The following PKHD1 variants were observed in gnomAD, a reference collection of about 807,000 sequenced individuals.
PKHD1 encodes PKHD1 ciliary IPT domain containing fibrocystin/polyductin.
A neutral mutation model predicts 412.0 loss-of-function variants in PKHD1; 291 were observed. The observed-to-expected ratio is 0.71, with a 90% CI of 0.64 to 0.78. The LOEUF (loss-of-function observed/expected upper bound fraction) is 0.78, where lower values mean the gene tolerates loss of function less well. Ranked by LOEUF, PKHD1 falls within the 30% of genes least tolerant of loss-of-function variation. The pLI is 0.00. For missense variants in PKHD1, 4,825 were observed against 4,950.7 expected (o/e 0.97, Z 0.76); for synonymous variants, 1,777 against 1,821.5 (o/e 0.98, Z 0.62).
At chr6:51,671,060 C>A (rs1774878189) in intron 60 of PKHD1, among the ~76,000 whole-genome samples, 1 of 151,998 alleles carries the variant, frequency 6.6e-6, no homozygotes, top group Non-Finnish European at 1.5e-5. Context: ...ATCTTTGTGG[C>A]ATTCTCTGTA....
intron 60 of PKHD1, among the ~76,000 whole-genome samples, chr6:51,683,491 C>T (rs1169226156): frequency 1.3e-5 from 2 of 151,898 alleles, no homozygotes; most frequent in East Asian, 3.9e-4. Flanking sequence ...GGAAAGTATA[C>T]CTGATTAAGC....
chr6:51,898,762 T>C (rs372344534), intron 43 of PKHD1, among the ~76,000 whole-genome samples: 13 of 120,724 alleles, frequency 1.1e-4, no homozygotes, highest in Non-Finnish European at 5.0e-5. Flanking sequence ...ATAGATAGAC[T>C]GCTAGCAAGA....
At chr6:51,859,486 A>G (rs1773847012) in intron 48 of PKHD1, among the ~76,000 whole-genome samples, 1 of 141,780 alleles carries the variant, frequency 7.1e-6, no homozygotes, top group African/African-American at 2.6e-5. Context: ...AAATCGCGCC[A>G]CTGCACTCCA....
intron 29 of PKHD1, among the ~76,000 whole-genome samples, chr6:52,029,074 C>A (rs1802652141): frequency 6.6e-6 from 1 of 152,152 alleles, no homozygotes; most frequent in Non-Finnish European, 1.5e-5. Flanking sequence ...TTTAGTAGCT[C>A]ATAACTGACA....
At chr6:51,722,287 T>G (rs754499010) in intron 60 of PKHD1, among the ~76,000 whole-genome samples, 1 of 152,150 alleles carries the variant, frequency 6.6e-6, no homozygotes, top group Non-Finnish European at 1.5e-5. Flanking sequence ...TTACAGTTGG[T>G]TACTTGGATT....
At chr6:51,674,296 G>A (rs977547731) in intron 60 of PKHD1, among the ~76,000 whole-genome samples, 2 of 152,202 alleles carry the variant, frequency 1.3e-5, no homozygotes, top group Admixed American at 6.5e-5. Flanking sequence ...ACTAACGAGT[G>A]TGGTGCTTGG....
chr6:51,950,220 A>AAAAAATATATATATAT lies in PKHD1; in HGVS notation c.5908+9649_5908+9650insATATATATATATTTTT. ...AATGGGCAATATAGAGAAAAAAAAA[A>AAAAAATATATATATAT]ATATATATATATATATATATGAAAT... On this transcript the variant is annotated intron_variant, in intron 36 of 66. Transcript: ENST00000371117. Among the ~76,000 whole-genome samples the AAAAAATATATATATAT allele has an allele frequency of 1.0e-3, 101 of 98,278 alleles. No homozygotes were observed. In the East Asian group the frequency reaches 0.013, roughly 13 times the overall value. 64.5% of individuals were successfully genotyped at this position (98,278 alleles called of 152,430 possible).
rs1562165566 is a variant in PKHD1, at chr6:52,025,469, C to T, written c.4341G>A (p.Leu1447=). The T allele has an allele frequency of 1.2e-6, 2 of 1,610,614 alleles. No individual in the cohort carries two copies. Among genetic ancestry groups the T allele is most frequent in the African/African-American group, 1.3e-5 (1 of 74,896 alleles). ...GDHTILCQVS[L]EGDPLPGASF... is the part of the protein sequence containing the mutation. The stretch of plus-strand genomic sequence containing the variant: ...AAGCTCCAGGCAAGGGGTCACCCTC[C>T]AGGCTAACCTGGCAGAGAATGGTGT... Residue 1447 remains leucine (L), a synonymous_variant, in exon 32 of 67, where the codon CTG becomes CTA. Transcript: ENST00000371117.
intron 5 of PKHD1, among the ~76,000 whole-genome samples, chr6:52,078,735 A>G (rs1388411492): frequency 6.6e-6 from 1 of 152,194 alleles, no homozygotes; most frequent in African/African-American, 2.4e-5. Context: ...GAAAACTACC[A>G]TCTGGGGTGA....
intron 37 of PKHD1, among the ~76,000 whole-genome samples, chr6:51,925,331 A>G (rs1178894635): frequency 6.6e-6 from 1 of 152,168 alleles, no homozygotes; most frequent in Non-Finnish European, 1.5e-5. Context: ...AATACGATAC[A>G]GAGTCAGTTA....
chr6:51,789,924 T>C (rs571903298), intron 53 of PKHD1, among the ~76,000 whole-genome samples: 10 of 152,162 alleles, frequency 6.6e-5, no homozygotes, highest in Non-Finnish European at 1.5e-4. Flanking sequence ...TTTAGCTTAA[T>C]AGAACAAAAA....
chr6:51,685,890 C>T (rs1396094735), intron 60 of PKHD1, among the ~76,000 whole-genome samples: 1 of 152,114 alleles, frequency 6.6e-6, no homozygotes, highest in Non-Finnish European at 1.5e-5. Context: ...AACTCACTGT[C>T]AGGAAAACAC....
intron 55 of PKHD1, among the ~76,000 whole-genome samples, chr6:51,765,799 T>C (rs1014159510): frequency 6.6e-6 from 1 of 152,146 alleles, no homozygotes; most frequent in Non-Finnish European, 1.5e-5. Context: ...CTTCTATATG[T>C]CTAGTGCTTA....
intron 53 of PKHD1, among the ~76,000 whole-genome samples, chr6:51,785,952 A>T (rs906568888): frequency 6.6e-6 from 1 of 152,204 alleles, no homozygotes; most frequent in African/African-American, 2.4e-5. Flanking sequence ...TTTGAAATTT[A>T]TGAGTCTGGG....
chr6:52,028,084 C>A (rs758663652), intron 30 of PKHD1, 72 bp downstream of exon 30: 1 of 1,470,228 alleles, frequency 6.8e-7, no homozygotes, highest in Non-Finnish European at 9.5e-7. Flanking sequence ...ATACCTAACT[C>A]AAAATTAGAA....
At chr6:51,808,580 T>C (rs1433398874) in intron 52 of PKHD1, among the ~76,000 whole-genome samples, 3 of 152,114 alleles carry the variant, frequency 2.0e-5, no homozygotes, top group Non-Finnish European at 4.4e-5. Context: ...TTGTCAGACA[T>C]GTAATTTTTT....
chr6:52,085,815 G>A (rs752371753), intron 1 of PKHD1, among the ~76,000 whole-genome samples: 6 of 151,816 alleles, frequency 4.0e-5, no homozygotes, highest in Non-Finnish European at 7.4e-5. Context: ...CCTAAATCTG[G>A]GTTTACCTAA....
At chr6:51,872,451 C>T (rs1384005267) in intron 46 of PKHD1, among the ~76,000 whole-genome samples, 1 of 151,784 alleles carries the variant, frequency 6.6e-6, no homozygotes, top group African/African-American at 2.4e-5. Flanking sequence ...CTCTGTTGCA[C>T]AGTCTGCAGT....
rs531516250 is a variant in PKHD1 at position 51,646,860 on chromosome 6, A to C, written c.11398+1171T>G. Among the ~76,000 whole-genome samples the C allele has an allele frequency of 3.9e-5, 6 of 152,080 alleles. No homozygotes were observed. In the South Asian group the frequency reaches 1.2e-3, roughly 32 times the overall value. On this transcript the variant is annotated intron_variant, in intron 63 of 66. Coordinates refer to ENST00000371117, the MANE Select transcript of PKHD1 (RefSeq NM_138694.4). ...ACTTTCCAACTGGCTCAGGAGGTTC[A>C]CTCTTGCCATTCTCCAATCCACCCT...
Sources: allele counts gnomAD v4.1 joint callset (sites outside exome capture counted in the v4.1 genomes callset), GRCh38; gene constraint gnomAD v4.1.1; transcripts MANE v1.5; gene names NCBI Gene and HGNC (gene_info 2026-07-23, HGNC 2026-07-21).